Variants in PRKG1 observed in about 807,000 individuals in gnomAD.
PRKG1 encodes protein kinase cGMP-dependent 1.
PRKG1 carries 35 observed loss-of-function variants against 88.1 expected under a neutral mutation model. That is an observed-to-expected ratio of 0.40 (90% CI 0.30 to 0.53). The LOEUF is 0.53. PRKG1 is among the 20% of genes least tolerant of loss of function. PRKG1 has a pLI of 0.59. For synonymous variants in PRKG1, 303 were observed against 292.5 expected (o/e 1.04, Z -0.37); for missense variants, 540 against 839.8 (o/e 0.64, Z 4.41).
Position 51,374,093 on chromosome 10 carries a change from A to AAAAATATATAT in PRKG1, c.479-93629_479-93628insAAATATATATA. On this transcript the variant is annotated intron_variant, in intron 2 of 17. Transcript: ENST00000373980. ...GCTGGCAGAGGTTGCAAAAAAAAAAAATATATATATATATATATATGTACT... is the reference window on the plus strand; with the variant it reads ...GCTGGCAGAGGTTGCAAAAAAAAAAAAAAATATATATATATATATATATATATATATGTACT... Among the ~76,000 whole-genome samples, 57 of 100,178 alleles carry AAAAATATATAT rather than the reference A, an allele frequency of 5.7e-4. 3 individuals are homozygous for AAAAATATATAT. The highest frequency in any genetic ancestry group is 6.3e-3 in the Middle Eastern group (1 of 160). 65.7% of individuals were successfully genotyped at this position (100,178 alleles called of 152,430 possible).
At chr10:51,454,237 A>T (rs1418713962) in intron 2 of PRKG1, among the ~76,000 whole-genome samples, 3 of 152,082 alleles carry the variant, frequency 2.0e-5, no homozygotes, top group Non-Finnish European at 2.9e-5. Context: ...AAAGCTAGAA[A>T]AAAACAACCC....
intron 5 of PRKG1, among the ~76,000 whole-genome samples, chr10:51,986,571 T>G (rs1353641036): frequency 6.6e-6 from 1 of 152,200 alleles, no homozygotes; most frequent in African/African-American, 2.4e-5. Context: ...GCTGGGATGT[T>G]GACATCAGCT....
At chr10:51,769,947 C>T (rs1008139763) in intron 3 of PRKG1, among the ~76,000 whole-genome samples, 1 of 152,198 alleles carries the variant, frequency 6.6e-6, no homozygotes, top group African/African-American at 2.4e-5. Flanking sequence ...TCATCCTGGG[C>T]CGCATGTGGC....
chr10:51,632,692 A>G (rs910605733), intron 3 of PRKG1, among the ~76,000 whole-genome samples: 1 of 152,198 alleles, frequency 6.6e-6, no homozygotes, highest in Non-Finnish European at 1.5e-5. Flanking sequence ...GCCCAAAGTT[A>G]TGCTTGTAGC....
intron 9 of PRKG1, among the ~76,000 whole-genome samples, chr10:52,225,445 C>T (rs1240365215): frequency 6.6e-6 from 1 of 152,142 alleles, no homozygotes; most frequent in Non-Finnish European, 1.5e-5. Flanking sequence ...TATCTGTTTA[C>T]TCTGCTGACT....
chr10:51,177,366 G>A (rs909354844), intron 2 of PRKG1, among the ~76,000 whole-genome samples: 26 of 152,178 alleles, frequency 1.7e-4, no homozygotes, highest in African/African-American at 5.3e-4. Flanking sequence ...CTCTTTGGAA[G>A]ACACTACTAA....
intron 3 of PRKG1, among the ~76,000 whole-genome samples, chr10:51,804,227 A>G (rs1839246713): frequency 6.6e-6 from 1 of 152,068 alleles, no homozygotes; most frequent in African/African-American, 2.4e-5. Flanking sequence ...GTTTATTATT[A>G]CTTGTGAACC....
At chr10:51,647,673 T>C (rs928588270) in intron 3 of PRKG1, among the ~76,000 whole-genome samples, 1 of 152,160 alleles carries the variant, frequency 6.6e-6, no homozygotes, top group Non-Finnish European at 1.5e-5. Flanking sequence ...AACCCTAACC[T>C]TTCTCGTTGT....
chr10:51,290,029 C>G (rs1284201415), intron 2 of PRKG1, among the ~76,000 whole-genome samples: 1 of 152,048 alleles, frequency 6.6e-6, no homozygotes, highest in Non-Finnish European at 1.5e-5. Flanking sequence ...AGGGATTATT[C>G]TTTGATAATT....
intron 5 of PRKG1, among the ~76,000 whole-genome samples, chr10:52,020,291 T>G (rs955360353): frequency 1.3e-5 from 2 of 152,154 alleles, no homozygotes; most frequent in African/African-American, 2.4e-5. Flanking sequence ...AGGAACTGAG[T>G]CTTTTTCATC....
chr10:51,008,710 G>C (rs1256199793), intron 1 of PRKG1, among the ~76,000 whole-genome samples: 1 of 152,124 alleles, frequency 6.6e-6, no homozygotes, highest in African/African-American at 2.4e-5. Flanking sequence ...TAAGGTCACA[G>C]TTGTACCATA....
intron 3 of PRKG1, among the ~76,000 whole-genome samples, chr10:51,479,383 A>T (rs1345478591): frequency 1.3e-5 from 2 of 152,078 alleles, no homozygotes; most frequent in Admixed American, 1.3e-4. Context: ...AAAAGGGAAG[A>T]TCATACCACT....
At chr10:51,511,742 C>T (rs148048858) in intron 3 of PRKG1, among the ~76,000 whole-genome samples, 60 of 152,204 alleles carry the variant, frequency 3.9e-4, no homozygotes, top group Admixed American at 8.5e-4. Context: ...AAATTGTTAC[C>T]CTCTCTTTTA....
chr10:51,718,837 C>CAAA (rs111373816), intron 3 of PRKG1, among the ~76,000 whole-genome samples: 1 of 136,730 alleles, frequency 7.3e-6, no homozygotes, highest in Admixed American at 7.3e-5. Flanking sequence ...TTAATGAGTG[C>CAAA]AAAAAAAAAA....
rs368753772 is a variant in PRKG1, at chr10:51,433,477, C to T, written c.479-34246C>T. ...CACAGATGGAAAGTCCAATATATGG[C>T]TGGCATTCAATACGAGAATCTGGGA... is the stretch of plus-strand genomic sequence containing the variant. On this transcript the variant is annotated intron_variant, in intron 2 of 17. Transcript: ENST00000373980. 2.6e-5 allele frequency among the ~76,000 whole-genome samples: 4 copies of T among 152,186 alleles called. No homozygotes were observed. In the East Asian group the frequency reaches 5.8e-4, roughly 22 times the overall value.
At chr10:52,293,734 C>T in intron 17 of PRKG1, 68 bp from the exon 18 acceptor site, 7 of 1,313,674 alleles carry the variant, frequency 5.3e-6, no homozygotes, top group Non-Finnish European at 7.7e-6. Flanking sequence ...ACAGAATGCA[C>T]TTAAAAATTC....
intron 2 of PRKG1, among the ~76,000 whole-genome samples, chr10:51,429,648 G>T (rs879310682): frequency 6.6e-6 from 1 of 151,994 alleles, no homozygotes; most frequent in Non-Finnish European, 1.5e-5. Context: ...ATTATCAAAA[G>T]AAACAAATGG....
At chr10:52,013,609 G>A (rs937723499) in intron 5 of PRKG1, among the ~76,000 whole-genome samples, 3 of 152,184 alleles carry the variant, frequency 2.0e-5, no homozygotes, top group African/African-American at 7.2e-5. Context: ...GCTTATGTTC[G>A]AGAAAACTGG....
At chr10:52,012,382 C>T (rs1589516152) in intron 5 of PRKG1, among the ~76,000 whole-genome samples, 1 of 151,966 alleles carries the variant, frequency 6.6e-6, no homozygotes, top group East Asian at 1.9e-4. Flanking sequence ...GCTGGGACTA[C>T]AGGTGCCCAC....
Sources: allele counts gnomAD v4.1 joint callset (sites outside exome capture counted in the v4.1 genomes callset), GRCh38; gene constraint gnomAD v4.1.1; transcripts MANE v1.5; gene names NCBI Gene and HGNC (gene_info 2026-07-23, HGNC 2026-07-21).